Variants in ARHGAP24 observed in about 807,000 individuals in gnomAD.
ARHGAP24 encodes rho GTPase-activating protein 24.
A neutral mutation model predicts 76.4 loss-of-function variants in ARHGAP24; 50 were observed. The ratio of observed to expected loss-of-function variants is 0.65; its 90% CI spans 0.52 to 0.83. ARHGAP24 has a LOEUF of 0.83. Among genes scored for constraint, ARHGAP24 ranks in the 40% least tolerant of loss-of-function variants. ARHGAP24 has a pLI of 0.00. For missense variants in ARHGAP24, 930 were observed against 914.2 expected (o/e 1.02, Z -0.22); for synonymous variants, 345 against 323.3 (o/e 1.07, Z -0.72).
At chr4:85,937,051 T>C (rs1281723057) in intron 4 of ARHGAP24, among the ~76,000 whole-genome samples, 1 of 152,140 alleles carries the variant, frequency 6.6e-6, no homozygotes, top group Non-Finnish European at 1.5e-5. Context: ...GACAAGCCAG[T>C]GGGCACCATT....
chr4:85,930,488 T>G (rs1347068724), intron 4 of ARHGAP24: 1 of 991,226 alleles, frequency 1.0e-6, no homozygotes, highest in Non-Finnish European at 1.2e-6. Flanking sequence ...TTTTTGTCAT[T>G]GTTCCTCTTT....
chr4:85,758,969 T>C (rs1726632960), intron 3 of ARHGAP24, among the ~76,000 whole-genome samples: 2 of 152,196 alleles, frequency 1.3e-5, no homozygotes, highest in Non-Finnish European at 2.9e-5. Context: ...ATCGTTACGC[T>C]ACTTCTTTGA....
chr4:85,732,964 C>T (rs1166712342), intron 3 of ARHGAP24, among the ~76,000 whole-genome samples: 1 of 150,260 alleles, frequency 6.7e-6, no homozygotes, highest in Non-Finnish European at 1.5e-5. Flanking sequence ...TCCCAAAGTG[C>T]TGGAATTACA....
intron 1 of ARHGAP24, among the ~76,000 whole-genome samples, chr4:85,531,854 G>A (rs1291311266): frequency 3.9e-5 from 6 of 151,986 alleles, no homozygotes; most frequent in Non-Finnish European, 5.9e-5. Context: ...AAAGTCCATC[G>A]TCTCTCCACA....
At position 86,000,896 on chromosome 4, in the gene ARHGAP24, C is replaced by A. The variant is rs575568435; in HGVS notation, c.*174C>A. On this transcript the variant is annotated 3_prime_UTR_variant, in exon 10 of 10. Transcript: ENST00000395184. ...TCTGCAATGTGTACCAAAGTTATAT[C>A]ATGCCCCATAATGCTACTGTCAAGT... 6.4e-4 allele frequency: 595 copies of A among 935,412 alleles called. No individual in the cohort carries two copies. Among genetic ancestry groups the A allele is most frequent in the Non-Finnish European group, 5.9e-4 (372 of 629,350 alleles). The allele number at this position is 935,412 out of a possible 1,614,324, so 57.9% of individuals were successfully genotyped here.
At chr4:85,499,469 G>A (rs13434421) in intron 1 of ARHGAP24, among the ~76,000 whole-genome samples, 4,974 of 152,212 alleles carry the variant, frequency 0.033, 275 homozygotes, top group African/African-American at 0.11. Flanking sequence ...TCACCACTTC[G>A]TTTCCTGTTT....
chr4:85,567,783 T>G (rs1726905812), intron 1 of ARHGAP24, among the ~76,000 whole-genome samples: 1 of 152,182 alleles, frequency 6.6e-6, no homozygotes, highest in South Asian at 2.1e-4. Flanking sequence ...ATTTTAATCA[T>G]TTTATTTCTC....
At chr4:85,735,728 A>G (rs901025690) in intron 3 of ARHGAP24, among the ~76,000 whole-genome samples, 2 of 152,052 alleles carry the variant, frequency 1.3e-5, no homozygotes, top group Admixed American at 6.6e-5. Flanking sequence ...TTCAGACTCT[A>G]GTCTTCCCTC....
chr4:85,930,471 A>T (rs964328207), intron 4 of ARHGAP24: 37 of 991,022 alleles, frequency 3.7e-5, no homozygotes, highest in Non-Finnish European at 4.4e-5. Context: ...AATATTCCTC[A>T]GGGGACTTTT....
intron 3 of ARHGAP24, among the ~76,000 whole-genome samples, chr4:85,849,264 A>G (rs1731076440): frequency 1.3e-5 from 2 of 150,220 alleles, no homozygotes; most frequent in Admixed American, 6.7e-5. Flanking sequence ...TTGTTGGTGT[A>G]TAAGAATGCT....
intron 3 of ARHGAP24, among the ~76,000 whole-genome samples, chr4:85,786,848 C>T (rs1243551312): frequency 6.6e-6 from 1 of 152,180 alleles, no homozygotes; most frequent in East Asian, 1.9e-4. Context: ...TTTTTCAGCC[C>T]AGAGAAGTTT....
intron 3 of ARHGAP24, among the ~76,000 whole-genome samples, chr4:85,879,717 AAATTATATGTATTT>A (rs1733134512): frequency 6.6e-6 from 1 of 151,986 alleles, no homozygotes; most frequent in Non-Finnish European, 1.5e-5. Context: ...TAATTTAATT[AAATTATATGTATTT>A]AATTAAATGT....
chr4:85,758,776 C>T (rs955801909), intron 3 of ARHGAP24, among the ~76,000 whole-genome samples: 2 of 152,008 alleles, frequency 1.3e-5, no homozygotes, highest in African/African-American at 4.8e-5. Context: ...ATGCACCACA[C>T]AGTGAGCATC....
At chr4:85,655,790 T>TAG (rs1351229097) in intron 2 of ARHGAP24, among the ~76,000 whole-genome samples, 21 of 50,154 alleles carry the variant, frequency 4.2e-4, no homozygotes, top group Admixed American at 2.0e-3. Flanking sequence ...TATATATATA[T>TAG]ATAGAGAGAG....
In ARHGAP24 at chr4:85,995,354, A is replaced by G. The variant is rs1179211566; in HGVS notation, c.1700A>G (p.Asn567Ser). ...TSSCEISLPE[N>S]SNSCRSSTTT... ...TCCTGTGAAATCTCCCTCCCTGAGA[A>G]CTCCAACTCCTGTCGCTCTTCTACC... Residue 567 changes from asparagine to serine, a missense_variant, in exon 9 of 10, where the codon AAC becomes AGC. Physicochemically the swap from Asn to Ser is conservative, Grantham distance 46. Coordinates refer to ENST00000395184, the MANE Select transcript of ARHGAP24 (RefSeq NM_001025616.3). The G allele has an allele frequency of 1.2e-6, 2 of 1,613,750 alleles. No homozygotes were observed. Among genetic ancestry groups the G allele is most frequent in the East Asian group, 2.2e-5 (1 of 44,884 alleles).
At chr4:85,532,149 A>T (rs1306154898) in intron 1 of ARHGAP24, among the ~76,000 whole-genome samples, 2 of 152,164 alleles carry the variant, frequency 1.3e-5, no homozygotes, top group African/African-American at 4.8e-5. Context: ...TTAAAGTCAT[A>T]ATGTGACATA....
intron 6 of ARHGAP24, among the ~76,000 whole-genome samples, chr4:85,972,759 G>A (rs142425179): frequency 1.3e-4 from 19 of 151,820 alleles, no homozygotes; most frequent in East Asian, 1.9e-4. Flanking sequence ...TTTCCCCAGC[G>A]CTTGGCAACT....
At chr4:85,888,620 T>TA (rs1218061020) in intron 3 of ARHGAP24, among the ~76,000 whole-genome samples, 2 of 151,902 alleles carry the variant, frequency 1.3e-5, no homozygotes, top group East Asian at 1.9e-4. Flanking sequence ...TTCTTTTTTT[T>TA]AAAAAAAACT....
chr4:85,686,074 G>A (rs1723412286), intron 2 of ARHGAP24, among the ~76,000 whole-genome samples: 1 of 152,198 alleles, frequency 6.6e-6, no homozygotes, highest in South Asian at 2.1e-4. Flanking sequence ...GCTGTCTCAG[G>A]ATAGTTGGTA....
Sources: gnomAD v4.1 joint callset for allele counts (sites outside exome capture counted in the v4.1 genomes callset) on GRCh38, gnomAD v4.1.1 for gene constraint, MANE v1.5 for transcripts, NCBI Gene and HGNC (gene_info 2026-07-23, HGNC 2026-07-21) for gene names.